Variants in SIL1 observed in about 807,000 individuals in gnomAD.
The protein encoded by SIL1 is SIL1 nucleotide exchange factor.
SIL1 carries 40 observed loss-of-function variants against 49.1 expected under a neutral mutation model. The observed-to-expected ratio is 0.81, with a 90% CI of 0.63 to 1.06. The LOEUF (loss-of-function observed/expected upper bound fraction) is 1.06, where lower values mean the gene tolerates loss of function less well. SIL1 is among the 50% of genes least tolerant of loss of function. The probability of loss-of-function intolerance (pLI) is 0.00; values close to 1 mark genes in which losing one functional copy is unlikely to be tolerated. For synonymous variants in SIL1, 253 were observed against 250.8 expected (o/e 1.01, Z -0.08); for missense variants, 500 against 572.6 (o/e 0.87, Z 1.29).
At chr5:139,185,450 CAAG>C in intron 1 of SIL1, among the ~76,000 whole-genome samples, 1 of 152,244 alleles carries the variant, frequency 6.6e-6, no homozygotes, top group South Asian at 2.1e-4. Context: ...GTTTCTGTAA[CAAG>C]AAATATTCTG....
intron 7 of SIL1, among the ~76,000 whole-genome samples, chr5:139,016,039 A>T (rs1232050931): frequency 1.3e-5 from 2 of 152,122 alleles, no homozygotes; most frequent in Non-Finnish European, 2.9e-5. Flanking sequence ...GTATGCTATG[A>T]TCACACCTGT....
chr5:138,994,499 A>C (rs1767821899), intron 7 of SIL1, among the ~76,000 whole-genome samples: 1 of 152,256 alleles, frequency 6.6e-6, no homozygotes, highest in Non-Finnish European at 1.5e-5. Flanking sequence ...TCATGAACAG[A>C]AACACATTTT....
intron 7 of SIL1, among the ~76,000 whole-genome samples, chr5:138,966,345 G>A (rs1167761275): frequency 2.0e-5 from 3 of 152,156 alleles, no homozygotes; most frequent in Non-Finnish European, 4.4e-5. Flanking sequence ...AGTAGCTCCT[G>A]AGGAGTGGAC....
intron 7 of SIL1, among the ~76,000 whole-genome samples, chr5:138,994,762 T>A (rs925492982): frequency 6.6e-6 from 1 of 152,180 alleles, no homozygotes; most frequent in Non-Finnish European, 1.5e-5. Context: ...CATGTAAACA[T>A]GTGCCATGGT....
At chr5:139,186,299 G>A (rs930593690) in intron 1 of SIL1, among the ~76,000 whole-genome samples, 6 of 152,104 alleles carry the variant, frequency 3.9e-5, no homozygotes, top group African/African-American at 1.4e-4. Flanking sequence ...GAAAATCATA[G>A]GACACTTTTA....
At chr5:139,104,231 C>A (rs115416682) in intron 3 of SIL1, among the ~76,000 whole-genome samples, 1,794 of 152,298 alleles carry the variant, frequency 0.012, 35 homozygotes, top group African/African-American at 0.04. Flanking sequence ...TTGTAGGTAA[C>A]AGACTGGGCA....
chr5:138,963,123 T>A (rs1235076607), intron 7 of SIL1, among the ~76,000 whole-genome samples: 2 of 152,174 alleles, frequency 1.3e-5, no homozygotes, highest in Non-Finnish European at 2.9e-5. Context: ...GTTGGTGGTA[T>A]AACTATCCCC....
chr5:139,166,699 C>T (rs1184914171), intron 1 of SIL1, among the ~76,000 whole-genome samples: 3 of 152,236 alleles, frequency 2.0e-5, no homozygotes, highest in Middle Eastern at 3.4e-3. Context: ...GGCTGGAGTG[C>T]GGTGGCATGA....
rs537831623 is a variant in SIL1, at chr5:138,968,070, T to C, written c.768-16186A>G. 2.1e-3 allele frequency among the ~76,000 whole-genome samples: 316 copies of C among 152,118 alleles called. 1 individual carries two copies. Among genetic ancestry groups the C allele is most frequent in the African/African-American group, 7.1e-3 (296 of 41,494 alleles). Reference sequence around the variant, plus strand: ...GCCTGGCCACTGGGCTATAACGAGCTCCAAACTGGGCCCACATCCAAGTCG... The same window carrying C: ...GCCTGGCCACTGGGCTATAACGAGCCCCAAACTGGGCCCACATCCAAGTCG... On this transcript the variant is annotated intron_variant, in intron 7 of 9. Coordinates refer to ENST00000394817, the MANE Select transcript of SIL1 (RefSeq NM_022464.5).
At chr5:139,030,380 G>C (rs1032389082) in intron 5 of SIL1, among the ~76,000 whole-genome samples, 13 of 151,972 alleles carry the variant, frequency 8.6e-5, no homozygotes, top group Non-Finnish European at 1.9e-4. Context: ...GGGAGGCTGG[G>C]GCAGGAGAAT....
intron 1 of SIL1, among the ~76,000 whole-genome samples, chr5:139,177,162 G>C (rs1751901923): frequency 6.6e-6 from 1 of 152,070 alleles, no homozygotes; most frequent in Non-Finnish European, 1.5e-5. Flanking sequence ...TCGATCTCCT[G>C]ACCTTGTGAT....
At chr5:138,952,961 G>A (rs1766816616) in intron 7 of SIL1, among the ~76,000 whole-genome samples, 1 of 152,240 alleles carries the variant, frequency 6.6e-6, no homozygotes, top group African/African-American at 2.4e-5. Context: ...GCAGGTCAGG[G>A]CTCCCCTCTC....
chr5:139,138,293 C>G (rs1276253741), intron 1 of SIL1, among the ~76,000 whole-genome samples: 1 of 152,194 alleles, frequency 6.6e-6, no homozygotes, highest in East Asian at 1.9e-4. Flanking sequence ...ACGGAGTCTT[C>G]TTTGGTGAAT....
chr5:138,963,170 C>A (rs1767062427), intron 7 of SIL1, among the ~76,000 whole-genome samples: 1 of 152,094 alleles, frequency 6.6e-6, no homozygotes, highest in Non-Finnish European at 1.5e-5. Flanking sequence ...GGAGGCCAGA[C>A]CCTGCAGGGC....
chr5:139,134,040 G>A (rs188316808), intron 1 of SIL1, among the ~76,000 whole-genome samples: 118 of 152,298 alleles, frequency 7.7e-4, no homozygotes, highest in African/African-American at 2.7e-3. Flanking sequence ...GGTTGGTAGC[G>A]AGGATTAAAT....
At chr5:139,051,705 G>A (rs1769289506) in intron 3 of SIL1, among the ~76,000 whole-genome samples, 1 of 152,238 alleles carries the variant, frequency 6.6e-6, no homozygotes, top group Non-Finnish European at 1.5e-5. Context: ...GCAAGCCAAG[G>A]AGGCAGGGAG....
chr5:139,137,552 T>A (rs1291636381), intron 1 of SIL1: 1 of 473,926 alleles, frequency 2.1e-6, no homozygotes, highest in African/African-American at 2.0e-5. Flanking sequence ...TATTATACTT[T>A]AAGTTTTAGG....
chr5:139,043,306 C>G (rs1769085640), intron 4 of SIL1, among the ~76,000 whole-genome samples: 2 of 152,230 alleles, frequency 1.3e-5, no homozygotes, highest in African/African-American at 4.8e-5. Context: ...TGCTCTCCCT[C>G]AGCACGCTGC....
intron 3 of SIL1, among the ~76,000 whole-genome samples, chr5:139,111,921 T>C (rs1165515709): frequency 6.6e-6 from 1 of 152,192 alleles, no homozygotes; most frequent in East Asian, 1.9e-4. Context: ...ACTGCTGCCA[T>C]CTCGGCTCAC....
Sources: gnomAD v4.1 joint callset for allele counts (sites outside exome capture counted in the v4.1 genomes callset) on GRCh38, gnomAD v4.1.1 for gene constraint, MANE v1.5 for transcripts, NCBI Gene and HGNC (gene_info 2026-07-23, HGNC 2026-07-21) for gene names.